The following RBFOX1 variants were observed in gnomAD, a reference collection of about 807,000 sequenced individuals.
The protein encoded by RBFOX1 is RNA binding fox-1 homolog 1, also known as RNA binding protein fox-1 homolog 1.
In RBFOX1, 8 loss-of-function variants were observed where a neutral mutation model predicts 57.7. The observed-to-expected ratio is 0.14, with a 90% confidence interval of 0.08 to 0.25. RBFOX1 has a LOEUF of 0.25. Among genes scored for constraint, RBFOX1 ranks in the 10% least tolerant of loss-of-function variants. The pLI is 1.00. For missense variants in RBFOX1, 611 were observed against 548.5 expected (o/e 1.11, Z -1.14); for synonymous variants, 326 against 222.4 (o/e 1.47, Z -4.15).
At chr16:6,783,457 T>A (rs1463184864) in intron 3 of RBFOX1, among the ~76,000 whole-genome samples, 1 of 140,744 alleles carries the variant, frequency 7.1e-6, no homozygotes, top group Non-Finnish European at 1.6e-5. Flanking sequence ...AAAAAAAAAA[T>A]CTTATAACCA....
At chr16:7,456,993 C>T (rs1029746716) in intron 4 of RBFOX1, among the ~76,000 whole-genome samples, 1 of 152,052 alleles carries the variant, frequency 6.6e-6, no homozygotes, top group East Asian at 1.9e-4. Context: ...TGGATCCAAG[C>T]AATTCTGCCT....
intron 3 of RBFOX1, among the ~76,000 whole-genome samples, chr16:7,000,725 C>T (rs1376853726): frequency 6.6e-6 from 1 of 151,568 alleles, no homozygotes; most frequent in Non-Finnish European, 1.5e-5. Context: ...CTGCCTCAGC[C>T]TCCCAAGTAG....
intron 3 of RBFOX1, among the ~76,000 whole-genome samples, chr16:6,929,143 T>C (rs1242921008): frequency 6.6e-6 from 1 of 152,088 alleles, no homozygotes; most frequent in Non-Finnish European, 1.5e-5. Context: ...ATTAAACACA[T>C]CTCTTCTCCT....
At chr16:7,673,648 C>G (rs2072324486) in intron 13 of RBFOX1, among the ~76,000 whole-genome samples, 1 of 152,202 alleles carries the variant, frequency 6.6e-6, no homozygotes, top group African/African-American at 2.4e-5. Flanking sequence ...GGAAACTTCT[C>G]AGTCCACATG....
At chr16:6,373,714 A>G (rs77994125) in intron 2 of RBFOX1, among the ~76,000 whole-genome samples, 11,840 of 152,098 alleles carry the variant, frequency 0.078, 666 homozygotes, top group Middle Eastern at 0.22. Context: ...GGGTTAGGGG[A>G]TGGTTGGATG....
chr16:7,075,292 G>C (rs2058092919), intron 4 of RBFOX1, among the ~76,000 whole-genome samples: 1 of 152,184 alleles, frequency 6.6e-6, no homozygotes, highest in African/African-American at 2.4e-5. Flanking sequence ...GCAGTTATTG[G>C]TTTTAGTTAA....
At chr16:7,581,501 C>T (rs981370501) in intron 6 of RBFOX1, among the ~76,000 whole-genome samples, 4 of 151,940 alleles carry the variant, frequency 2.6e-5, no homozygotes, top group South Asian at 2.1e-4. Flanking sequence ...CCTTAATGAC[C>T]GTCCTGACAC....
intron 3 of RBFOX1, among the ~76,000 whole-genome samples, chr16:5,815,252 C>G (rs754821980): frequency 6.6e-6 from 1 of 150,894 alleles, no homozygotes; most frequent in Non-Finnish European, 1.5e-5. Flanking sequence ...TCTCAGCCTC[C>G]CAAAGTGCTG....
At chr16:7,513,271 T>A (rs1420135638) in intron 4 of RBFOX1, among the ~76,000 whole-genome samples, 2 of 17,654 alleles carry the variant, frequency 1.1e-4, no homozygotes, top group African/African-American at 2.4e-4. Context: ...GTCAAAAAAA[T>A]AAAAATAAAA....
intron 3 of RBFOX1, among the ~76,000 whole-genome samples, chr16:6,882,820 T>A (rs906522185): frequency 6.6e-6 from 1 of 152,118 alleles, no homozygotes; most frequent in African/African-American, 2.4e-5. Context: ...TCTCTGTTTC[T>A]TTGCCCCTTT....
At chr16:6,878,902 C>G (rs373958765) in intron 3 of RBFOX1, among the ~76,000 whole-genome samples, 2 of 152,076 alleles carry the variant, frequency 1.3e-5, no homozygotes, top group African/African-American at 4.8e-5. Flanking sequence ...GTACCATCTT[C>G]AAGTTAAAGA....
rs181550636 is a variant in RBFOX1, at chr16:5,669,158, C to A, written c.318+70197C>A. 1.6e-3 allele frequency among the ~76,000 whole-genome samples: 236 copies of A among 152,174 alleles called. 2 individuals are homozygous for A. The highest frequency in any genetic ancestry group is 5.2e-3 in the African/African-American group (217 of 41,508). ...AAAATTCCAGAGGGTTGGCCTTTAC[C>A]CCTAAGTGTGACGGAATCTGGATGC... On this transcript the variant is annotated intron_variant, in intron 3 of 19. Coordinates refer to the RBFOX1 transcript ENST00000641259.
At chr16:6,679,022 A>C (rs2058206742) in intron 3 of RBFOX1, among the ~76,000 whole-genome samples, 1 of 151,980 alleles carries the variant, frequency 6.6e-6, no homozygotes, top group South Asian at 2.1e-4. Context: ...AAAGAGATCG[A>C]CTCTGCGTGT....
intron 4 of RBFOX1, among the ~76,000 whole-genome samples, chr16:7,236,358 C>T (rs1362235475): frequency 6.6e-6 from 1 of 152,146 alleles, no homozygotes; most frequent in Non-Finnish European, 1.5e-5. Flanking sequence ...TAGAACATTT[C>T]TCCCCTTCCT....
intron 3 of RBFOX1, among the ~76,000 whole-genome samples, chr16:5,800,460 C>G (rs1297466303): frequency 2.6e-5 from 4 of 152,148 alleles, no homozygotes; most frequent in African/African-American, 9.7e-5. Context: ...CCAGCACGCC[C>G]TTGAGCTTAG....
At chr16:7,155,036 T>C (rs1379444300) in intron 4 of RBFOX1, among the ~76,000 whole-genome samples, 4 of 152,072 alleles carry the variant, frequency 2.6e-5, no homozygotes, top group African/African-American at 9.7e-5. Flanking sequence ...AGCTGGAATA[T>C]TTTGTGTGGC....
chr16:7,230,845 AG>A (rs1287864112), intron 4 of RBFOX1, among the ~76,000 whole-genome samples: 1 of 152,232 alleles, frequency 6.6e-6, no homozygotes, highest in Admixed American at 6.5e-5. Context: ...GATACTGCAG[AG>A]GGCAGCTCAT....
chr16:5,843,401 C>A (rs1473213319), intron 3 of RBFOX1, among the ~76,000 whole-genome samples: 1 of 152,160 alleles, frequency 6.6e-6, no homozygotes, highest in Non-Finnish European at 1.5e-5. Flanking sequence ...GTTTTCTGTT[C>A]CAGCATTAGT....
intron 2 of RBFOX1, among the ~76,000 whole-genome samples, chr16:6,525,883 C>T (rs1374271998): frequency 6.6e-6 from 1 of 152,002 alleles, no homozygotes; most frequent in Non-Finnish European, 1.5e-5. Flanking sequence ...TAGACACAAA[C>T]ATTCAGACCA....
Sources: gnomAD v4.1 joint callset for allele counts (sites outside exome capture counted in the v4.1 genomes callset) on GRCh38, gnomAD v4.1.1 for gene constraint, MANE v1.5 for transcripts, NCBI Gene and HGNC (gene_info 2026-07-23, HGNC 2026-07-21) for gene names.